ITIH6: variants seen among roughly 807,000 people sequenced by gnomAD.
ITIH6 encodes inter-alpha-trypsin inhibitor heavy chain family member 6, also known as inter-alpha-trypsin inhibitor heavy chain H6.
In ITIH6, 60 loss-of-function variants were observed where a neutral mutation model predicts 58.2. The observed-to-expected ratio is 1.03, with a 90% confidence interval of 0.84 to 1.28. ITIH6 has a LOEUF of 1.28. ITIH6 is among the 50% of genes most tolerant of loss of function. The pLI, the probability that ITIH6 is intolerant of heterozygous loss-of-function variation, is 0.00. For missense variants in ITIH6, 1,290 were observed against 1,021.1 expected (o/e 1.26, Z -3.59); for synonymous variants, 493 against 417.4 (o/e 1.18, Z -2.21).
rs1308162060 is a variant in ITIH6 at position 54,758,414 on chromosome X, G to C, written c.1660C>G (p.Pro554Ala). 1 of 1,210,506 alleles carries C rather than the reference G, an allele frequency of 8.3e-7. No individual in the cohort carries two copies. ...CGGCGGATGAAGTGGGCCACATTGG[G>C]GGCTGGCTCCCCTGGGCAACCAAAG... is the stretch of plus-strand genomic sequence containing the variant. ...KAFGCPGEPAPNVAHFIRRLW... is the reference protein window; with the variant it reads ...KAFGCPGEPAANVAHFIRRLW... The change falls in exon 8 of 13, where the codon CCC (proline) becomes GCC (alanine). Residue 554 changes from proline (P) to alanine (A), a missense_variant. Coordinates refer to ENST00000218436, the MANE Select transcript of ITIH6 (RefSeq NM_198510.3).
intron 2 of ITIH6, among the ~76,000 whole-genome samples, chrX:54,793,316 A>C (rs1250571916): frequency 1.8e-5 from 2 of 111,041 alleles, no homozygotes; most frequent in African/African-American, 6.6e-5. Flanking sequence ...AAACTGTCAC[A>C]GGAACAAAAA....
intron 6 of ITIH6, among the ~76,000 whole-genome samples, chrX:54,768,806 T>A (rs1273829450): frequency 9.6e-6 from 1 of 104,262 alleles, no homozygotes; most frequent in East Asian, 3.0e-4. Context: ...CTGGCTGCCC[T>A]TAACATTTTT....
chrX:54,758,040 G>T lies in ITIH6; in HGVS notation c.2034C>A (p.Thr678=), dbSNP rs1360560966. ...GCTCTTTGGAACTTAGCATCTTCTT[G>T]GTAGAGGCAGTAGTAGTTGAGGATA... is the stretch of plus-strand genomic sequence containing the variant. ...FYLSSTTTAS[T]KKMLSSKELE... The change falls in exon 8 of 13, where the codon ACC becomes ACA. Residue 678 remains threonine (T), a synonymous_variant. Coordinates refer to ENST00000218436, the MANE Select transcript of ITIH6 (RefSeq NM_198510.3). The T allele has an allele frequency of 8.3e-7, 1 of 1,211,040 alleles. No individual in the cohort carries two copies. Among genetic ancestry groups the T allele is most frequent in the East Asian group, 3.0e-5 (1 of 33,834 alleles).
rs780214924 is a variant in ITIH6, at chrX:54,774,199, T to C, written c.787-2A>G. ...GTGAATGAAATAGTCATCGTAAATC[T>C]GGACCAAAAAAAAAAAAAAAAAAGT... On this transcript the variant is annotated splice_acceptor_variant, in intron 5 of 12. Transcript: ENST00000218436. LOFTEE classifies it high-confidence loss of function. 4.6e-6 allele frequency: 4 copies of C among 871,580 alleles called. No individual in the cohort carries two copies. Among genetic ancestry groups the C allele is most frequent in the Non-Finnish European group, 6.1e-6 (4 of 651,806 alleles). 71.8% of individuals were successfully genotyped at this position (871,580 alleles called of 1,213,427 possible).
intron 5 of ITIH6, among the ~76,000 whole-genome samples, chrX:54,783,596 A>G (rs1490495560): frequency 8.9e-6 from 1 of 112,078 alleles, no homozygotes; most frequent in Non-Finnish European, 1.9e-5. Context: ...AATAGCCACA[A>G]ACAAAATTAA....
intron 9 of ITIH6, among the ~76,000 whole-genome samples, chrX:54,754,560 C>T (rs776569182): frequency 3.6e-5 from 4 of 111,585 alleles, no homozygotes; most frequent in African/African-American, 1.3e-4. Flanking sequence ...CCATAGCTGC[C>T]TTTGAAGATG....
chrX:54,761,728 G>C (rs1348425273), intron 6 of ITIH6, among the ~76,000 whole-genome samples: 1 of 110,953 alleles, frequency 9.0e-6, no homozygotes, highest in Non-Finnish European at 1.9e-5. Flanking sequence ...TGTCAGGTTT[G>C]TCAAAGATCA....
At chrX:54,784,336 A>C (rs780780940) in intron 5 of ITIH6, among the ~76,000 whole-genome samples, 15 of 111,896 alleles carry the variant, frequency 1.3e-4, no homozygotes, top group African/African-American at 4.9e-4. Context: ...AAAAGTGGAC[A>C]AATGGGATCA....
At position 54,774,130 on chromosome X, in the gene ITIH6, AC is replaced by A. The variant is rs1322169032; in HGVS notation, c.853del (p.Val285PhefsTer6). 1 of 1,196,787 alleles carries A rather than the reference AC, an allele frequency of 8.4e-7. No homozygotes were observed. The highest frequency in any genetic ancestry group is 1.1e-6 in the Non-Finnish European group (1 of 886,593). ...RGLPPMEKNVVFVIDVSSSMF... is the reference protein window; with the variant it reads ...RGLPPMEKNVXFVIDVSSSMF... ...GGAGCTGCTTACGTCAATAACAAAA[AC>A]CACATTCTTCTCCATAGGTGGAAGG... On this transcript the variant is annotated frameshift_variant, in exon 6 of 13. Transcript: ENST00000218436. LOFTEE classifies it high-confidence loss of function.
chrX:54,756,809 A>AAAGCAAGCAAGCAAGCAAGCAAGC (rs555076681), intron 8 of ITIH6, among the ~76,000 whole-genome samples, 156 bp downstream of exon 8: 2 of 108,008 alleles, frequency 1.9e-5, no homozygotes, highest in African/African-American at 7.0e-5. Flanking sequence ...CCAAAGTCCC[A>AAAGCAAGCAAGCAAGCAAGCAAGC]AAGCAAGCAA....
At chrX:54,752,030 T>C (rs888879869) in intron 11 of ITIH6, among the ~76,000 whole-genome samples, 2 of 111,726 alleles carry the variant, frequency 1.8e-5, no homozygotes, top group Admixed American at 9.5e-5. Flanking sequence ...TCCATGCCAT[T>C]GTGTATATCT....
Position 54,797,102 on chromosome X carries a change from A to G in ITIH6, c.103-6T>C, listed in dbSNP as rs757038604. On this transcript the variant is annotated splice_region_variant and splice_polypyrimidine_tract_variant and intron_variant, in intron 1 of 12. Transcript: ENST00000218436. The stretch of plus-strand genomic sequence containing the variant: ...GAATAGCTTGTCATTAACAACTGAG[A>G]GAGAAGACAGGAGGAGGTGTTTTAG... 5.0e-5 allele frequency: 60 copies of G among 1,204,536 alleles called. No individual in the cohort carries two copies. Among genetic ancestry groups the G allele is most frequent in the Non-Finnish European group, 6.7e-5 (60 of 891,508 alleles).
intron 2 of ITIH6, 72 bp from the exon 3 acceptor site, chrX:54,792,108 G>A: frequency 1.4e-6 from 1 of 716,350 alleles, no homozygotes; most frequent in Non-Finnish European, 2.2e-6. Context: ...CAGAGAAAGA[G>A]ACACATGAGG....
intron 6 of ITIH6, among the ~76,000 whole-genome samples, chrX:54,765,820 T>C (rs957363252): frequency 9.1e-6 from 1 of 109,533 alleles, no homozygotes; most frequent in Non-Finnish European, 1.9e-5. Flanking sequence ...TGAAGTCAGG[T>C]AGTGTGATGC....
At chrX:54,777,423 C>A (rs145402768) in intron 5 of ITIH6, among the ~76,000 whole-genome samples, 1 of 112,625 alleles carries the variant, frequency 8.9e-6, no homozygotes. Flanking sequence ...GTTTTTGACA[C>A]TTTCTGATTG....
Position 54,757,297 on chromosome X carries a change from G to A in ITIH6, c.2777C>T (p.Pro926Leu). Reference protein sequence around the residue: ...STTTTSVLGEPLPMPFTPTLP... With the variant: ...STTTTSVLGELLPMPFTPTLP... The stretch of plus-strand genomic sequence containing the variant: ...AGTGGGAGTAAAGGGCATGGGGAGG[G>A]GTTCTCCAAGGACAGAGGTGGTTGT... The change falls in exon 8 of 13, where the codon CCC (proline) becomes CTC (leucine). Residue 926 changes from proline (P) to leucine (L), a missense_variant. Pro to Leu is a moderately conservative substitution (Grantham distance 98, BLOSUM62 -3). Transcript: ENST00000218436. 1 of 1,194,052 alleles carries A rather than the reference G, an allele frequency of 8.4e-7. No individual in the cohort carries two copies. The highest frequency in any genetic ancestry group is 1.9e-5 in the South Asian group (1 of 53,809).
intron 3 of ITIH6, 71 bp from the exon 4 acceptor site, chrX:54,791,155 C>T: frequency 9.1e-7 from 1 of 1,093,756 alleles, no homozygotes; most frequent in Admixed American, 2.5e-5. Flanking sequence ...GTTAGATGAC[C>T]TAGTTTTGCT....
chrX:54,786,898 C>T (rs1477026207), intron 5 of ITIH6, among the ~76,000 whole-genome samples: 4 of 111,334 alleles, frequency 3.6e-5, no homozygotes, highest in African/African-American at 1.3e-4. Context: ...TGAGCCCCAG[C>T]GGGGTGGATG....
chrX:54,770,477 T>A (rs962552676), intron 6 of ITIH6, among the ~76,000 whole-genome samples: 2 of 112,921 alleles, frequency 1.8e-5, no homozygotes, highest in Non-Finnish European at 3.7e-5. Flanking sequence ...TTTTACATGA[T>A]CCCGTTTTAT....
Sources: allele counts gnomAD v4.1 joint callset (sites outside exome capture counted in the v4.1 genomes callset), GRCh38; gene constraint gnomAD v4.1.1; transcripts MANE v1.5; gene names NCBI Gene and HGNC (gene_info 2026-07-23, HGNC 2026-07-21).